ENTHD1: variants seen among roughly 807,000 people sequenced by gnomAD.
ENTHD1 encodes ENTH domain containing 1, also known as ENTH domain-containing protein 1.
ENTHD1 carries 23 observed loss-of-function variants against 39.1 expected under a neutral mutation model. The observed-to-expected ratio is 0.59, with a 90% CI of 0.42 to 0.83. The LOEUF (loss-of-function observed/expected upper bound fraction) is 0.83, where lower values mean the gene tolerates loss of function less well. Ranked by LOEUF, ENTHD1 falls within the 40% of genes least tolerant of loss-of-function variation. The pLI is 0.00. For missense variants in ENTHD1, 624 were observed against 705.4 expected (o/e 0.88, Z 1.31); for synonymous variants, 230 against 258.2 (o/e 0.89, Z 1.05).
chr22:39,778,269 C>T (rs888460805), intron 5 of ENTHD1, among the ~76,000 whole-genome samples: 5 of 152,062 alleles, frequency 3.3e-5, no homozygotes, highest in Admixed American at 1.3e-4. Flanking sequence ...CTCCCTTCCC[C>T]GTAGATACTC....
chr22:39,759,147 C>G (rs1168874731), intron 6 of ENTHD1, among the ~76,000 whole-genome samples: 1 of 152,094 alleles, frequency 6.6e-6, no homozygotes, highest in Non-Finnish European at 1.5e-5. Context: ...GGTAGTCCTT[C>G]CTTTTCTACT....
chr22:39,749,671 T>C (rs756462283), intron 6 of ENTHD1, among the ~76,000 whole-genome samples: 35 of 152,236 alleles, frequency 2.3e-4, no homozygotes, highest in Non-Finnish European at 4.6e-4. Context: ...TCCTAGCTGA[T>C]ATACAATGTC....
intron 5 of ENTHD1, among the ~76,000 whole-genome samples, chr22:39,798,086 A>G (rs948078619): frequency 6.6e-6 from 1 of 152,084 alleles, no homozygotes. Flanking sequence ...TTTGCTTTAT[A>G]GTGTTCCATA....
intron 5 of ENTHD1, among the ~76,000 whole-genome samples, chr22:39,785,178 A>G (rs574603027): frequency 6.6e-6 from 1 of 152,352 alleles, no homozygotes; most frequent in East Asian, 1.9e-4. Context: ...GCTCAAAGAG[A>G]TAGAAAATAT....
At chr22:39,762,186 T>C (rs965333454) in intron 6 of ENTHD1, among the ~76,000 whole-genome samples, 2 of 152,020 alleles carry the variant, frequency 1.3e-5, no homozygotes, top group African/African-American at 4.8e-5. Flanking sequence ...CTCGCTGGGG[T>C]CCCCCTATAC....
rs79210487 is a variant in ENTHD1, at chr22:39,879,673, G to A, written c.349+7727C>T. 7.7e-3 allele frequency among the ~76,000 whole-genome samples: 1,167 copies of A among 152,170 alleles called. 4 individuals carry two copies. Among genetic ancestry groups the A allele is most frequent in the Non-Finnish European group, 0.013 (856 of 67,996 alleles). ...GCATCAGGAACTCTCATTATTGCTG[G>A]TGGGAATGCAAAATGGGGCTGCCAC... is the stretch of plus-strand genomic sequence containing the variant. On this transcript the variant is annotated intron_variant, in intron 2 of 6. Transcript: ENST00000325157.
rs553308406 is a variant in ENTHD1 at position 39,822,487 on chromosome 22, T to C, written c.712-1374A>G. On this transcript the variant is annotated intron_variant, in intron 4 of 6. Coordinates refer to ENST00000325157, the MANE Select transcript of ENTHD1 (RefSeq NM_152512.4). ...TATGTATACTTTTGTGTCTGGTTCC[T>C]ATTGCTCAACATAATGTACATGAGA... Among the ~76,000 whole-genome samples the C allele has an allele frequency of 8.5e-5, 13 of 152,324 alleles. No individual in the cohort carries two copies. The South Asian group carries it at 2.3e-3, about 27-fold the overall frequency.
rs765682213 is a variant in ENTHD1, at chr22:39,861,995, C to T, written c.362G>A (p.Arg121Gln). 22 of 1,478,030 alleles carry T rather than the reference C, an allele frequency of 1.5e-5. No homozygotes were observed. Among genetic ancestry groups the T allele is most frequent in the South Asian group, 3.0e-5 (2 of 66,178 alleles). The allele number at this position is 1,478,030 out of a possible 1,614,324, so 91.6% of individuals were successfully genotyped here. A position where few individuals can be genotyped will look rare whatever the true frequency, so the allele number is the denominator to read the frequency against. Residue 121 changes from arginine to glutamine, a missense_variant, in exon 3 of 7, where the codon CGG becomes CAG. Physicochemically the swap from Arg to Gln is conservative, Grantham distance 43 (BLOSUM62 1). Transcript: ENST00000325157. ...EAGKDQGYYI[R>Q]EKSKQVITLL... Reference sequence around the variant, plus strand: ...TGTGATGACTTGCTTAGATTTTTCCCGGATATAATAACCTGAAAAATACAT... The same window carrying T: ...TGTGATGACTTGCTTAGATTTTTCCTGGATATAATAACCTGAAAAATACAT...
At chr22:39,888,408 T>C (rs917278047) in intron 1 of ENTHD1, among the ~76,000 whole-genome samples, 30 of 151,594 alleles carry the variant, frequency 2.0e-4, no homozygotes, top group African/African-American at 6.0e-4. Flanking sequence ...GCTGGAACTA[T>C]AGGTGTGCGC....
chr22:39,784,582 A>ACACT lies in ENTHD1; in HGVS notation c.833-18974_833-18973insAGTG, dbSNP rs1491396024. On this transcript the variant is annotated intron_variant, in intron 5 of 6. Coordinates refer to ENST00000325157, the MANE Select transcript of ENTHD1 (RefSeq NM_152512.4). ...CACACACACACACACACACACACACACTAGAATATTCAGCCATAAAAGAGA... is the reference window on the plus strand; with the variant it reads ...CACACACACACACACACACACACACACACTCTAGAATATTCAGCCATAAAAGAGA... Among the ~76,000 whole-genome samples, 535 of 145,032 alleles carry ACACT rather than the reference A, an allele frequency of 3.7e-3. 4 individuals carry two copies. The highest frequency in any genetic ancestry group is 0.011 in the African/African-American group (454 of 40,016).
At chr22:39,769,288 A>G (rs1367121094) in intron 5 of ENTHD1, among the ~76,000 whole-genome samples, 1 of 152,210 alleles carries the variant, frequency 6.6e-6, no homozygotes, top group Non-Finnish European at 1.5e-5. Flanking sequence ...ACTTGGATGC[A>G]AGTAATTTGG....
intron 6 of ENTHD1, among the ~76,000 whole-genome samples, chr22:39,759,104 C>T (rs1247390696): frequency 6.6e-6 from 1 of 152,142 alleles, no homozygotes. Context: ...CAGATTTTGG[C>T]ATTAGATTCT....
intron 3 of ENTHD1, among the ~76,000 whole-genome samples, chr22:39,850,994 T>C (rs1318846761): frequency 1.3e-5 from 2 of 152,254 alleles, no homozygotes; most frequent in Non-Finnish European, 2.9e-5. Flanking sequence ...TTCCTCTTTT[T>C]GAAGTATACC....
chr22:39,744,096 A>G lies in ENTHD1; in HGVS notation c.1407T>C (p.His469=). The change falls in exon 7 of 7, where the codon CAT becomes CAC. Residue 469 remains histidine, a synonymous_variant. Transcript: ENST00000325157. ...FKDEDKTAKL[H]HSFASRGPVS... ...CTGGGCCCCTAGAAGCAAAGGAGTG[A>G]TGCAGCTTGGCTGTCTTATCTTCAT... The G allele has an allele frequency of 3.7e-6, 6 of 1,614,180 alleles. No homozygotes were observed. Among genetic ancestry groups the G allele is most frequent in the Non-Finnish European group, 5.1e-6 (6 of 1,180,000 alleles).
At chr22:39,797,753 A>T (rs1272374703) in intron 5 of ENTHD1, among the ~76,000 whole-genome samples, 1 of 152,106 alleles carries the variant, frequency 6.6e-6, no homozygotes, top group African/African-American at 2.4e-5. Flanking sequence ...TCAGGACTGA[A>T]TATATCAACT....
In ENTHD1 at chr22:39,821,146, GA is replaced by G. The variant is rs1444421349; in HGVS notation, c.712-34del. 1.9e-6 allele frequency: 3 copies of G among 1,605,948 alleles called. No individual in the cohort carries two copies. The South Asian group carries it at 3.3e-5, about 18-fold the overall frequency. ...AAAACACAAGAACATGAGAATTGAA[GA>G]AAAAAATTAATATCCCTGGATGGAC... On this transcript the variant is annotated intron_variant, in intron 4 of 6. Coordinates refer to ENST00000325157, the MANE Select transcript of ENTHD1 (RefSeq NM_152512.4).
intron 1 of ENTHD1, among the ~76,000 whole-genome samples, chr22:39,889,751 C>T (rs2066411225): frequency 6.6e-6 from 1 of 152,074 alleles, no homozygotes; most frequent in African/African-American, 2.4e-5. Context: ...ATGAGATAAC[C>T]TCTTTTTGGT....
At chr22:39,765,735 T>C in intron 5 of ENTHD1, 126 bp from the exon 6 acceptor site, 1 of 954,548 alleles carries the variant, frequency 1.0e-6, no homozygotes, top group Non-Finnish European at 1.5e-6. Context: ...TATTTAGCCC[T>C]CTGCTTTCTT....
chr22:39,834,968 G>A (rs1312776999), intron 4 of ENTHD1, among the ~76,000 whole-genome samples: 1 of 152,080 alleles, frequency 6.6e-6, no homozygotes, highest in South Asian at 2.1e-4. Context: ...GGATGAGTTG[G>A]GAGTGGGGTG....
Sources: allele counts gnomAD v4.1 joint callset (sites outside exome capture counted in the v4.1 genomes callset), GRCh38; gene constraint gnomAD v4.1.1; transcripts MANE v1.5; gene names NCBI Gene and HGNC (gene_info 2026-07-23, HGNC 2026-07-21).